TANC2: variants seen among roughly 807,000 people sequenced by gnomAD.
The protein encoded by TANC2 is tetratricopeptide repeat, ankyrin repeat and coiled-coil containing 2.
A neutral mutation model predicts 210.5 loss-of-function variants in TANC2; 26 were observed. The observed-to-expected ratio is 0.12, with a 90% confidence interval of 0.09 to 0.17. The LOEUF (loss-of-function observed/expected upper bound fraction) is 0.17, where lower values mean the gene tolerates loss of function less well. Among genes scored for constraint, TANC2 ranks in the 10% least tolerant of loss-of-function variants. The pLI is 1.00. For synonymous variants in TANC2, 931 were observed against 967.1 expected (o/e 0.96, Z 0.69); for missense variants, 2,129 against 2,608.9 (o/e 0.82, Z 4.01).
chr17:63,349,481 C>T (rs984363329), intron 12 of TANC2, among the ~76,000 whole-genome samples: 45 of 152,050 alleles, frequency 3.0e-4, no homozygotes, highest in African/African-American at 8.5e-4. Context: ...AATTGAAGGG[C>T]GGGGACAGTG....
chr17:63,227,404 A>T (rs754736701), intron 7 of TANC2, among the ~76,000 whole-genome samples: 31 of 152,112 alleles, frequency 2.0e-4, no homozygotes, highest in Admixed American at 5.9e-4. Flanking sequence ...TTCTTTTGAG[A>T]AGTGTCTGTT....
chr17:63,328,325 T>C lies in TANC2; in HGVS notation c.1575+9235T>C, dbSNP rs1441353999. Among the ~76,000 whole-genome samples, 5 of 151,720 alleles carry C rather than the reference T, an allele frequency of 3.3e-5. No individual in the cohort carries two copies. The East Asian group carries it at 9.7e-4, about 29-fold the overall frequency. On this transcript the variant is annotated intron_variant, in intron 11 of 27. Transcript: ENST00000689528. ...GCCCATGTACTTTCTGAACCTAAAA[T>C]AAAAGTTGGAAGAAAAACAGAATTT...
chr17:63,126,764 A>G (rs745932938), intron 4 of TANC2, among the ~76,000 whole-genome samples: 9 of 152,120 alleles, frequency 5.9e-5, no homozygotes, highest in Admixed American at 1.3e-4. Context: ...TGTTTTATTT[A>G]TTGATCAGAC....
chr17:62,986,374 T>C lies in TANC2; in HGVS notation c.-24+19625T>C, dbSNP rs73991860. On this transcript the variant is annotated intron_variant, in intron 1 of 27. Coordinates refer to ENST00000689528, the Ensembl canonical transcript of TANC2. ...CTGCCAGGAGCAGCCTTCAGGGTTA[T>C]TTCTCATGCCCAGGATGCAAGCACA... Among the ~76,000 whole-genome samples the C allele has an allele frequency of 3.0e-3, 453 of 152,268 alleles. 3 individuals carry two copies. The highest frequency in any genetic ancestry group is 0.01 in the African/African-American group (430 of 41,554).
At chr17:63,049,595 GTC>G (rs1402776600) in intron 2 of TANC2, among the ~76,000 whole-genome samples, 1 of 152,172 alleles carries the variant, frequency 6.6e-6, no homozygotes, top group Non-Finnish European at 1.5e-5. Flanking sequence ...AGGAGATGAG[GTC>G]AGAGAGGTAA....
chr17:63,116,158 A>G (rs1019600622), intron 4 of TANC2, among the ~76,000 whole-genome samples: 1 of 152,230 alleles, frequency 6.6e-6, no homozygotes, highest in Non-Finnish European at 1.5e-5. Context: ...TAACACAGAG[A>G]TATGATATAG....
At chr17:63,099,150 C>CT (rs752634030) in intron 3 of TANC2, 25 bp from the exon 4 acceptor site, 3 of 1,606,314 alleles carry the variant, frequency 1.9e-6, no homozygotes, top group Middle Eastern at 3.3e-4. Context: ...CTCACCAGCT[C>CT]TTTTGTTCCA....
intron 27 of TANC2, 72 bp from the exon 28 acceptor site, chr17:63,419,927 T>C (rs766751203): frequency 1.2e-4 from 173 of 1,449,824 alleles, no homozygotes; most frequent in Non-Finnish European, 1.5e-4. Flanking sequence ...ATAGTGACCA[T>C]GTTCTCAGCT....
chr17:62,977,166 T>C (rs2032052578), intron 1 of TANC2, among the ~76,000 whole-genome samples: 1 of 152,250 alleles, frequency 6.6e-6, no homozygotes. Flanking sequence ...GCATTCTGTT[T>C]CTACATAAAC....
rs1247203046 is a variant in TANC2 at position 63,106,598 on chromosome 17, A to G, written c.322+7241A>G. Among the ~76,000 whole-genome samples, 4 of 151,662 alleles carry G rather than the reference A, an allele frequency of 2.6e-5. No homozygotes were observed. The East Asian group carries it at 7.7e-4, about 29-fold the overall frequency. ...GGAGGCGTGAGGACAAGGCCCACGC[A>G]AGAACGTTGAAAAGAGGTATCAGAG... is the stretch of plus-strand genomic sequence containing the variant. On this transcript the variant is annotated intron_variant, in intron 4 of 27. Coordinates refer to ENST00000689528, the Ensembl canonical transcript of TANC2.
intron 5 of TANC2, among the ~76,000 whole-genome samples, chr17:63,163,542 G>A (rs541591578): frequency 1.2e-4 from 18 of 152,160 alleles, no homozygotes; most frequent in African/African-American, 4.1e-4. Flanking sequence ...GGAGTGTTAC[G>A]GAAGAAAGTA....
chr17:63,145,464 A>C (rs1024771185), intron 4 of TANC2, among the ~76,000 whole-genome samples: 1 of 152,124 alleles, frequency 6.6e-6, no homozygotes, highest in African/African-American at 2.4e-5. Flanking sequence ...TAAATTTCTC[A>C]ATGTTTCTCT....
chr17:63,321,819 G>A lies in TANC2; in HGVS notation c.1575+2729G>A, dbSNP rs149187873. Among the ~76,000 whole-genome samples, 933 of 152,174 alleles carry A rather than the reference G, an allele frequency of 6.1e-3. 3 individuals are homozygous for A. The highest frequency in any genetic ancestry group is 0.016 in the South Asian group (75 of 4,822). On this transcript the variant is annotated intron_variant, in intron 11 of 27. Transcript: ENST00000689528. ...CTAGTTCTCTTTCCTGTGGGTGTTG[G>A]GGAAGGTAGTCACCTGGCTGGGCAG...
In TANC2 at chr17:63,237,801, CT is replaced by C. The variant is rs763320604; in HGVS notation, c.770-4del. 211 of 1,510,344 alleles carry C rather than the reference CT, an allele frequency of 1.4e-4. 1 individual carries two copies. The highest frequency in any genetic ancestry group is 7.2e-4 in the African/African-American group (51 of 70,644). The allele number at this position is 1,510,344 out of a possible 1,614,324, so 93.6% of individuals were successfully genotyped here. A position where few individuals can be genotyped will look rare whatever the true frequency, so the allele number is the denominator to read the frequency against. ...GTGGCTTTATTAAATTCATTTTACT[CT>C]TTTTTTTTCAGCTACATTAACAAGC... On this transcript the variant is annotated splice_polypyrimidine_tract_variant and intron_variant, in intron 7 of 27. Coordinates refer to ENST00000689528, the Ensembl canonical transcript of TANC2.
At chr17:63,342,640 G>A (rs938828175) in intron 12 of TANC2, among the ~76,000 whole-genome samples, 2 of 151,800 alleles carry the variant, frequency 1.3e-5, no homozygotes, top group African/African-American at 4.8e-5. Context: ...GCCGGGCATG[G>A]TGGCGGGCAC....
At chr17:63,105,712 G>A (rs1478715922) in intron 4 of TANC2, among the ~76,000 whole-genome samples, 1 of 151,452 alleles carries the variant, frequency 6.6e-6, no homozygotes, top group Non-Finnish European at 1.5e-5. Context: ...TAAACATCCT[G>A]GAAAAATTAC....
chr17:63,019,120 A>G (rs1019650264), intron 2 of TANC2, among the ~76,000 whole-genome samples: 26 of 151,914 alleles, frequency 1.7e-4, no homozygotes, highest in African/African-American at 5.8e-4. Flanking sequence ...GGAAGTGCCA[A>G]CTCTTCCATT....
intron 9 of TANC2, among the ~76,000 whole-genome samples, chr17:63,298,858 C>T (rs1041957745): frequency 6.6e-6 from 1 of 151,906 alleles, no homozygotes. Flanking sequence ...ACCTATCAAC[C>T]CATCATCTAG....
At chr17:63,386,539 A>C (rs1416520032) in intron 15 of TANC2, among the ~76,000 whole-genome samples, 1 of 152,204 alleles carries the variant, frequency 6.6e-6, no homozygotes, top group Non-Finnish European at 1.5e-5. Context: ...TGATGGGTAC[A>C]TGAGAGCTTT....
Sources: allele counts gnomAD v4.1 joint callset (sites outside exome capture counted in the v4.1 genomes callset), GRCh38; gene constraint gnomAD v4.1.1; transcripts MANE v1.5; gene names NCBI Gene and HGNC (gene_info 2026-07-23, HGNC 2026-07-21).